The following DOK6 variants were observed in gnomAD, a reference collection of about 807,000 sequenced individuals.
DOK6 encodes downstream of tyrosine kinase 6.
Under a neutral mutation model 44.0 loss-of-function variants are expected in DOK6, and 22 were observed. That is an observed-to-expected ratio of 0.50 (90% CI 0.36 to 0.71). DOK6 has a LOEUF of 0.71. DOK6 is among the 30% of genes least tolerant of loss of function. The pLI is 0.00. For missense variants in DOK6, 340 were observed against 416.4 expected (o/e 0.82, Z 1.60); for synonymous variants, 166 against 145.5 (o/e 1.14, Z -1.01).
chr18:69,604,622 C>T (rs1377763465), intron 3 of DOK6, among the ~76,000 whole-genome samples: 1 of 151,890 alleles, frequency 6.6e-6, no homozygotes, highest in East Asian at 1.9e-4. Flanking sequence ...GAAATAAAGG[C>T]AAGATTTTTT....
Position 69,606,757 on chromosome 18 carries a change from A to AT in DOK6, c.289+7279dup, listed in dbSNP as rs71176989. 6.2e-4 allele frequency among the ~76,000 whole-genome samples: 71 copies of AT among 115,160 alleles called. 1 individual carries two copies. The highest frequency in any genetic ancestry group is 1.6e-3 in the Admixed American group (16 of 9,838). The allele number at this position is 115,160 out of a possible 152,430, so 75.5% of individuals were successfully genotyped here. On this transcript the variant is annotated intron_variant, in intron 3 of 7. Coordinates refer to ENST00000382713, the MANE Select transcript of DOK6 (RefSeq NM_152721.6). ...ACTGATAACAAAAGATTCAAAAAGG[A>AT]TTTTTTTTTTTTTTTTTTTTGGAGA...
At chr18:69,738,819 G>T in intron 5 of DOK6, 146 bp from the exon 6 acceptor site, 12 of 879,508 alleles carry the variant, frequency 1.4e-5, no homozygotes, top group Middle Eastern at 2.3e-4. Flanking sequence ...CTTTTTGGTT[G>T]GTTTGGTTAC....
chr18:69,423,217 A>G lies in DOK6; in HGVS notation c.66+21907A>G, dbSNP rs111371920. ...CGCGGGAGGCTGGGGTGCCAGGATC[A>G]CTTGAGTCTGGGAGATCTAAGCTGT... On this transcript the variant is annotated intron_variant, in intron 1 of 7. Coordinates refer to ENST00000382713, the MANE Select transcript of DOK6 (RefSeq NM_152721.6). Among the ~76,000 whole-genome samples the G allele has an allele frequency of 1.1e-3, 163 of 152,276 alleles. 1 individual carries two copies. Among genetic ancestry groups the G allele is most frequent in the African/African-American group, 3.7e-3 (153 of 41,550 alleles).
chr18:69,712,340 G>A (rs773351562), intron 5 of DOK6, among the ~76,000 whole-genome samples: 5 of 101,472 alleles, frequency 4.9e-5, no homozygotes, highest in Non-Finnish European at 5.9e-5. Context: ...AACCTTTTCC[G>A]AATCACATTT....
chr18:69,786,179 TA>T (rs1254079987), intron 7 of DOK6, among the ~76,000 whole-genome samples: 1 of 152,176 alleles, frequency 6.6e-6, no homozygotes, highest in African/African-American at 2.4e-5. Context: ...GGAGACCATC[TA>T]AAAATTCATT....
chr18:69,821,049 AAAAATT>A (rs746112035), intron 7 of DOK6, among the ~76,000 whole-genome samples: 7 of 152,214 alleles, frequency 4.6e-5, no homozygotes, highest in Non-Finnish European at 8.8e-5. Flanking sequence ...AACTTAAAAT[AAAAATT>A]AAATTTTTAA....
chr18:69,789,326 T>C (rs144753950), intron 7 of DOK6, among the ~76,000 whole-genome samples: 5 of 152,288 alleles, frequency 3.3e-5, no homozygotes, highest in Admixed American at 6.5e-5. Context: ...GACCTTTTAC[T>C]CTTATTTCAT....
chr18:69,404,884 T>C (rs1916172406), intron 1 of DOK6, among the ~76,000 whole-genome samples: 1 of 151,922 alleles, frequency 6.6e-6, no homozygotes, highest in African/African-American at 2.4e-5. Context: ...TGTACACTGG[T>C]GTTTGTGTGT....
chr18:69,602,960 C>G (rs973212268), intron 3 of DOK6, among the ~76,000 whole-genome samples: 4 of 152,126 alleles, frequency 2.6e-5, no homozygotes, highest in African/African-American at 9.7e-5. Context: ...ATGGAAATGA[C>G]AATACTAAAA....
At chr18:69,679,413 T>C (rs1267088119) in intron 4 of DOK6, among the ~76,000 whole-genome samples, 5 of 152,202 alleles carry the variant, frequency 3.3e-5, no homozygotes, top group Non-Finnish European at 7.3e-5. Context: ...GTTCCAAATA[T>C]TGCTTCCATT....
In DOK6 at chr18:69,708,888, C is replaced by T. The variant is rs368079439; in HGVS notation, c.599+10295C>T. ...CGGCAAACACCTATTTTTACCTGCA[C>T]AGCACTGGACAGGGCAATATAGGGA... On this transcript the variant is annotated intron_variant, in intron 5 of 7. Coordinates refer to ENST00000382713, the MANE Select transcript of DOK6 (RefSeq NM_152721.6). Among the ~76,000 whole-genome samples the T allele has an allele frequency of 4.6e-5, 7 of 151,756 alleles. No homozygotes were observed. In the East Asian group the frequency reaches 1.2e-3, roughly 25 times the overall value.
At chr18:69,796,958 G>A (rs1044006387) in intron 7 of DOK6, among the ~76,000 whole-genome samples, 1 of 152,128 alleles carries the variant, frequency 6.6e-6, no homozygotes, top group Non-Finnish European at 1.5e-5. Context: ...CTTGAAAAGA[G>A]CTTATATTTG....
At chr18:69,492,067 G>C (rs1980750299) in intron 1 of DOK6, among the ~76,000 whole-genome samples, 1 of 152,148 alleles carries the variant, frequency 6.6e-6, no homozygotes, top group African/African-American at 2.4e-5. Flanking sequence ...GCCAGCAGCA[G>C]ATAGAAAACT....
At chr18:69,581,186 G>A (rs897594823) in intron 2 of DOK6, among the ~76,000 whole-genome samples, 8 of 152,174 alleles carry the variant, frequency 5.3e-5, no homozygotes, top group Admixed American at 2.0e-4. Context: ...AGCAGGGGTT[G>A]GGGCATCTTG....
chr18:69,806,160 A>T (rs1242962778), intron 7 of DOK6, among the ~76,000 whole-genome samples: 1 of 151,936 alleles, frequency 6.6e-6, no homozygotes, highest in Non-Finnish European at 1.5e-5. Context: ...AGCCCCAGCC[A>T]TAGAGAAGTA....
At chr18:69,710,154 G>T (rs547347385) in intron 5 of DOK6, among the ~76,000 whole-genome samples, 124 of 152,182 alleles carry the variant, frequency 8.1e-4, no homozygotes, top group African/African-American at 2.8e-3. Flanking sequence ...ACTCTAGCCT[G>T]GTCAACAGAG....
intron 1 of DOK6, among the ~76,000 whole-genome samples, chr18:69,411,814 G>A (rs970363988): frequency 2.0e-5 from 3 of 152,046 alleles, no homozygotes; most frequent in African/African-American, 7.2e-5. Context: ...TTACTCGTAT[G>A]TAAGGAAGCA....
intron 5 of DOK6, among the ~76,000 whole-genome samples, chr18:69,719,187 G>A (rs890778314): frequency 7.9e-5 from 12 of 152,312 alleles, no homozygotes; most frequent in South Asian, 2.1e-4. Flanking sequence ...CAAGAGTTCC[G>A]AAGCTAGGGT....
chr18:69,809,984 C>A (rs972742962), intron 7 of DOK6, among the ~76,000 whole-genome samples: 1 of 151,818 alleles, frequency 6.6e-6, no homozygotes, highest in Non-Finnish European at 1.5e-5. Context: ...AAAAACAATT[C>A]TAAAATTCTG....
Sources: gnomAD v4.1 joint callset for allele counts (sites outside exome capture counted in the v4.1 genomes callset) on GRCh38, gnomAD v4.1.1 for gene constraint, MANE v1.5 for transcripts, NCBI Gene and HGNC (gene_info 2026-07-23, HGNC 2026-07-21) for gene names.